BCL2L1: variants seen among roughly 807,000 people sequenced by gnomAD.
BCL2L1 encodes the protein BCL2 like 1, also known as bcl-2-like protein 1.
A neutral mutation model predicts 18.7 loss-of-function variants in BCL2L1; 1 was observed. That is an observed-to-expected ratio of 0.05 (90% CI 0.02 to 0.25). The LOEUF (loss-of-function observed/expected upper bound fraction) is 0.25. Among genes scored for constraint, BCL2L1 ranks in the 10% least tolerant of loss-of-function variants. BCL2L1 has a pLI of 1.00. For missense variants in BCL2L1, 207 were observed against 304.9 expected, an observed-to-expected ratio of 0.68 and a Z score of 2.39; for synonymous variants, 103 against 122.7, an observed-to-expected ratio of 0.84 and a Z score of 1.06.
chr20:31,719,945 T>A (rs907753218), intron 2 of BCL2L1, among the ~76,000 whole-genome samples: 2 of 152,172 alleles, frequency 1.3e-5, no homozygotes, highest in Admixed American at 6.5e-5. Context: ...CTGTCCCTCC[T>A]GTAATCAGCT....
At chr20:31,685,293 G>T (rs776574271) in intron 2 of BCL2L1, among the ~76,000 whole-genome samples, 1 of 151,974 alleles carries the variant, frequency 6.6e-6, no homozygotes, top group East Asian at 1.9e-4. Flanking sequence ...CCACCTACTC[G>T]GGAGGCTTAG....
intron 2 of BCL2L1, among the ~76,000 whole-genome samples, chr20:31,683,281 C>T (rs2060895213): frequency 1.3e-5 from 2 of 152,230 alleles, no homozygotes; most frequent in South Asian, 2.1e-4. Flanking sequence ...GGCCTCTGCA[C>T]TTGTTCCTTA....
chr20:31,672,557 C>G (rs775977401), intron 2 of BCL2L1, among the ~76,000 whole-genome samples: 1 of 152,076 alleles, frequency 6.6e-6, no homozygotes, highest in Admixed American at 6.6e-5. Context: ...TTGATGGCCT[C>G]TGTGTGCCTG....
chr20:31,704,927 G>A (rs892429122), intron 2 of BCL2L1, among the ~76,000 whole-genome samples: 1 of 152,204 alleles, frequency 6.6e-6, no homozygotes, highest in African/African-American at 2.4e-5. Context: ...TGAGTATTAT[G>A]TTGGTCTCTG....
chr20:31,697,892 G>GTTTTTTTTTTTTTTTGTTTGTTTGTTTT (rs199575410), intron 2 of BCL2L1, among the ~76,000 whole-genome samples: 4 of 129,638 alleles, frequency 3.1e-5, no homozygotes, highest in African/African-American at 1.3e-4. Context: ...TGCTGTTGCT[G>GTTTTTTTTTTTTTTTGTTTGTTTGTTTT]TTTTTTTTTT....
chr20:31,723,714 C>G (rs1367645413), upstream of BCL2L1: 4 of 985,388 alleles, frequency 4.1e-6, no homozygotes, highest in Non-Finnish European at 4.8e-6. Flanking sequence ...CTGTCACGCA[C>G]AGGGGAGGCG....
At chr20:31,714,685 T>A (rs560863051) in intron 2 of BCL2L1, among the ~76,000 whole-genome samples, 75 of 152,254 alleles carry the variant, frequency 4.9e-4, no homozygotes, top group Middle Eastern at 3.4e-3. Context: ...ACAAATTTCA[T>A]TTACTCAGAC....
At chr20:31,693,129 T>C (rs1313306803) in intron 2 of BCL2L1, among the ~76,000 whole-genome samples, 1 of 145,066 alleles carries the variant, frequency 6.9e-6, no homozygotes, top group African/African-American at 2.6e-5. Context: ...CTATATTGTT[T>C]AGGAATATAT....
chr20:31,705,916 T>C (rs886622746), intron 2 of BCL2L1, among the ~76,000 whole-genome samples: 1 of 152,116 alleles, frequency 6.6e-6, no homozygotes, highest in African/African-American at 2.4e-5. Flanking sequence ...GTCTCATGTA[T>C]GCACCTGCTG....
chr20:31,689,269 GGGGGAGGGCAGGGGAGGGGA>G (rs1568869368), intron 2 of BCL2L1, among the ~76,000 whole-genome samples: 2 of 65,498 alleles, frequency 3.1e-5, no homozygotes, highest in Admixed American at 3.1e-4. Flanking sequence ...GGGAAGGGGA[GGGGGAGGGCAGGGGAGGGGA>G]GGGAAGGAAG....
intron 2 of BCL2L1, chr20:31,713,263 G>A (rs1383215089): frequency 6.1e-6 from 6 of 985,060 alleles, no homozygotes; most frequent in African/African-American, 1.7e-5. Context: ...GAACCAAGTA[G>A]AAAGGCATTT....
chr20:31,680,541 C>A lies in BCL2L1; in HGVS notation c.565-14455G>T, dbSNP rs974679682. Among the ~76,000 whole-genome samples the A allele has an allele frequency of 3.9e-5, 6 of 152,150 alleles. No homozygotes were observed. The East Asian group carries it at 1.2e-3, about 29-fold the overall frequency. The stretch of plus-strand genomic sequence containing the variant: ...CTTTATCTTGGAAACAAAAGTGATG[C>A]CACGTAGCTTTGGTGAAGCTATTAG... On this transcript the variant is annotated intron_variant, in intron 2 of 2. Transcript: ENST00000307677.
chr20:31,679,536 C>T (rs2060821490), intron 2 of BCL2L1, among the ~76,000 whole-genome samples: 1 of 152,230 alleles, frequency 6.6e-6, no homozygotes, highest in Admixed American at 6.5e-5. Context: ...TTTCCCCCTC[C>T]AAGCCTGGTG....
At chr20:31,671,697 T>A (rs2060670377) in intron 2 of BCL2L1, among the ~76,000 whole-genome samples, 2 of 151,958 alleles carry the variant, frequency 1.3e-5, no homozygotes, top group Non-Finnish European at 2.9e-5. Flanking sequence ...TAAGATCACC[T>A]CCAATGGCGT....
At chr20:31,693,804 G>C (rs190665663) in intron 2 of BCL2L1, among the ~76,000 whole-genome samples, 40 of 152,164 alleles carry the variant, frequency 2.6e-4, no homozygotes, top group African/African-American at 8.7e-4. Flanking sequence ...CCAAGTGCTG[G>C]GATTACAGGC....
At chr20:31,714,533 C>T (rs2061498461) in intron 2 of BCL2L1, among the ~76,000 whole-genome samples, 1 of 152,230 alleles carries the variant, frequency 6.6e-6, no homozygotes, top group Admixed American at 6.5e-5. Context: ...AACATGGCTC[C>T]AGTCTTTATG....
chr20:31,718,416 G>A (rs1043105520), intron 2 of BCL2L1, among the ~76,000 whole-genome samples: 6 of 152,212 alleles, frequency 3.9e-5, no homozygotes, highest in Admixed American at 1.3e-4. Context: ...AGCATTTTGG[G>A]AGGCTGAGGC....
chr20:31,679,742 C>A (rs956053355), intron 2 of BCL2L1, among the ~76,000 whole-genome samples: 2 of 152,244 alleles, frequency 1.3e-5, no homozygotes, highest in Admixed American at 6.5e-5. Flanking sequence ...CTGCTCACTG[C>A]AACCTCTGCC....
rs531967179 is a variant in BCL2L1, at chr20:31,700,914, C to G, written c.564+20741G>C. The stretch of plus-strand genomic sequence containing the variant: ...GGACTGGAGAGGGGTCTAGGCTCCT[C>G]CCTGCTGGACCAGCCCCTTTGGCAA... On this transcript the variant is annotated intron_variant, in intron 2 of 2. Transcript: ENST00000307677. Among the ~76,000 whole-genome samples the G allele has an allele frequency of 2.6e-5, 4 of 152,320 alleles. No homozygotes were observed. In the South Asian group the frequency reaches 6.2e-4, roughly 24 times the overall value.
Sources: allele counts gnomAD v4.1 joint callset (sites outside exome capture counted in the v4.1 genomes callset), GRCh38; gene constraint gnomAD v4.1.1; transcripts MANE v1.5; gene names NCBI Gene and HGNC (gene_info 2026-07-23, HGNC 2026-07-21).